The following GTF3C2 variants were observed in gnomAD, a reference collection of about 807,000 sequenced individuals.
GTF3C2 encodes the protein general transcription factor IIIC subunit 2.
A neutral mutation model predicts 117.4 loss-of-function variants in GTF3C2; 17 were observed. The ratio of observed to expected loss-of-function variants is 0.14; its 90% CI spans 0.10 to 0.22. The LOEUF is 0.22. GTF3C2 is among the 10% of genes least tolerant of loss of function. The pLI is 1.00. For synonymous variants in GTF3C2, 437 were observed against 427.0 expected (o/e 1.02, Z -0.29); for missense variants, 888 against 1,143.6 (o/e 0.78, Z 3.22).
At chr2:27,343,045 G>C in exon 3 of GTF3C2, 1 of 1,613,984 alleles carries the variant, frequency 6.2e-7, no homozygotes. Flanking sequence ...TGGAGGATTA[G>C]GCTGTTGGGG....
At chr2:27,346,700 A>AT (rs541988647) in intron 1 of GTF3C2, among the ~76,000 whole-genome samples, 6 of 148,112 alleles carry the variant, frequency 4.1e-5, no homozygotes, top group East Asian at 2.0e-4. Flanking sequence ...ATTAAAAAAA[A>AT]TTTTTTTTTT....
At chr2:27,345,679 A>G (rs902133047) in intron 1 of GTF3C2, among the ~76,000 whole-genome samples, 8 of 151,800 alleles carry the variant, frequency 5.3e-5, no homozygotes, top group Admixed American at 2.6e-4. Context: ...CTATGGGACA[A>G]TTAAGGAACA....
intron 12 of GTF3C2, among the ~76,000 whole-genome samples, chr2:27,330,133 TCCG>T (rs1680226527): frequency 4.8e-5 from 5 of 104,486 alleles, no homozygotes; most frequent in Admixed American, 2.5e-4. Flanking sequence ...AAGAGCAGAC[TCCG>T]TCTCAAAAAA....
At chr2:27,343,417 C>T (rs567509945) in exon 2 of GTF3C2, 1 of 1,614,118 alleles carries the variant, frequency 6.2e-7, no homozygotes, top group South Asian at 1.1e-5. Flanking sequence ...CTACGGAAGC[C>T]TCTGCACTGG....
At chr2:27,335,534 G>A (rs1366805799) in intron 10 of GTF3C2, 64 bp downstream of exon 10, 1 of 939,020 alleles carries the variant, frequency 1.1e-6, no homozygotes, top group African/African-American at 1.6e-5. Flanking sequence ...CAGGGAGACA[G>A]ACAGGCCCTG....
chr2:27,341,835 C>T, intron 4 of GTF3C2, 113 bp downstream of exon 4: 2 of 890,412 alleles, frequency 2.2e-6, no homozygotes, highest in Admixed American at 2.7e-5. Context: ...TTTCTTTAAC[C>T]TGTTTTGTCT....
intron 16 of GTF3C2, 92 bp downstream of exon 16, chr2:27,328,376 G>T: frequency 7.5e-7 from 1 of 1,342,144 alleles, no homozygotes; most frequent in South Asian, 1.2e-5. Context: ...TATCAGGGCC[G>T]GGAGACCTGA....
intron 17 of GTF3C2, among the ~76,000 whole-genome samples, chr2:27,327,664 C>T (rs1464540702): frequency 4.0e-5 from 5 of 125,044 alleles, no homozygotes; most frequent in Non-Finnish European, 8.0e-5. Flanking sequence ...AGTCTTGCTG[C>T]GTTGCCAGGC....
intron 16 of GTF3C2, 34 bp from the exon 17 acceptor site, chr2:27,328,223 TACTC>T (rs1313696124): frequency 5.4e-6 from 8 of 1,494,566 alleles, no homozygotes; most frequent in South Asian, 1.2e-5. Context: ...GGTTCTATAA[TACTC>T]AAGACAGAAT....
At chr2:27,348,943 T>C (rs1681019507) in intron 1 of GTF3C2, among the ~76,000 whole-genome samples, 1 of 151,962 alleles carries the variant, frequency 6.6e-6, no homozygotes, top group Admixed American at 6.6e-5. Context: ...TTCAAGTGAT[T>C]CTCCTGCCTT....
intron 11 of GTF3C2, 38 bp from the exon 12 acceptor site, chr2:27,333,822 ACC>A: frequency 6.3e-7 from 1 of 1,594,500 alleles, no homozygotes; most frequent in Non-Finnish European, 8.6e-7. Context: ...GGTTAGGGAC[ACC>A]TACACTGTTT....
At chr2:27,343,366 A>G in exon 2 of GTF3C2, 1 of 1,614,082 alleles carries the variant, frequency 6.2e-7, no homozygotes, top group Non-Finnish European at 8.5e-7. Context: ...TCTGATCAGG[A>G]GAATCCTCAA....
chr2:27,342,550 C>A (rs1422080589), intron 3 of GTF3C2: 5 of 552,726 alleles, frequency 9.0e-6, no homozygotes, highest in Non-Finnish European at 3.2e-6. Flanking sequence ...TATATACTGA[C>A]ATATACTGGA....
chr2:27,345,025 T>G (rs1421539885), intron 1 of GTF3C2, among the ~76,000 whole-genome samples: 1 of 152,068 alleles, frequency 6.6e-6, no homozygotes, highest in African/African-American at 2.4e-5. Flanking sequence ...AGCTCATGCC[T>G]GTAATTCCAG....
At chr2:27,337,330 G>A in exon 7 of GTF3C2, 1 of 1,611,384 alleles carries the variant, frequency 6.2e-7, no homozygotes, top group Middle Eastern at 1.7e-4. Context: ...GGGGCAGGTA[G>A]GGAGCGGCCT....
intron 4 of GTF3C2, chr2:27,340,641 G>A (rs1016708667): frequency 7.8e-6 from 1 of 127,566 alleles, no homozygotes; most frequent in African/African-American, 2.9e-5. Context: ...TTTTTTTTTT[G>A]AGACAGTTTC....
chr2:27,352,011 T>C (rs895275356), intron 1 of GTF3C2, among the ~76,000 whole-genome samples: 1 of 152,214 alleles, frequency 6.6e-6, no homozygotes, highest in African/African-American at 2.4e-5. Context: ...GACATCTAAC[T>C]ATCTGATCTC....
intron 1 of GTF3C2, chr2:27,350,643 A>T (rs116381995): frequency 0.01 from 3,285 of 313,294 alleles, 115 homozygotes; most frequent in African/African-American, 0.07. Context: ...CTGCAAAAAA[A>T]TTTTTTTTGA....
intron 4 of GTF3C2, chr2:27,341,681 A>C (rs1680734614): frequency 2.3e-6 from 1 of 439,826 alleles, no homozygotes; most frequent in Non-Finnish European, 4.1e-6. Flanking sequence ...TGAACTTGTG[A>C]GGCAGGATAC....
Sources: gnomAD v4.1 joint callset for allele counts (sites outside exome capture counted in the v4.1 genomes callset) on GRCh38, gnomAD v4.1.1 for gene constraint, MANE v1.5 for transcripts, NCBI Gene and HGNC (gene_info 2026-07-23, HGNC 2026-07-21) for gene names.